The following PPP6C variants were observed in gnomAD, a reference collection of about 807,000 sequenced individuals.
PPP6C encodes protein phosphatase 6 catalytic subunit, also known as serine/threonine-protein phosphatase 6 catalytic subunit.
Under a neutral mutation model 39.8 loss-of-function variants are expected in PPP6C, and 11 were observed. The observed-to-expected ratio is 0.28, with a 90% CI of 0.17 to 0.46. The LOEUF (loss-of-function observed/expected upper bound fraction) is 0.46. PPP6C is among the 20% of genes least tolerant of loss of function. The pLI, the probability that PPP6C is intolerant of heterozygous loss-of-function variation, is 1.00. For missense variants in PPP6C, 211 were observed against 373.9 expected, an observed-to-expected ratio of 0.56 and a Z score of 3.59; for synonymous variants, 129 against 130.3, an observed-to-expected ratio of 0.99 and a Z score of 0.07.
intron 6 of PPP6C, among the ~76,000 whole-genome samples, chr9:125,152,183 C>T (rs1436031953): frequency 6.6e-6 from 1 of 152,088 alleles, no homozygotes; most frequent in African/African-American, 2.4e-5. Context: ...AAGCCTGATC[C>T]ATCATCATCT....
intron 2 of PPP6C, among the ~76,000 whole-genome samples, chr9:125,166,507 A>G (rs1247902728): frequency 6.6e-6 from 1 of 151,764 alleles, no homozygotes; most frequent in East Asian, 1.9e-4. Context: ...CTCATGACTC[A>G]AAGAATTTCA....
intron 1 of PPP6C, among the ~76,000 whole-genome samples, chr9:125,187,905 A>G (rs397583): frequency 0.47 from 71,524 of 151,790 alleles, 17,460 homozygotes; most frequent in East Asian, 0.62. Context: ...AAAAACGGGA[A>G]AATGCACAAG....
rs771470560 is a variant in PPP6C at position 125,149,857 on chromosome 9, T to C, written c.734A>G (p.Lys245Arg). The change falls in exon 7 of 7, where the codon AAA (lysine) becomes AGA (arginine). Residue 245 changes from lysine (K) to arginine (R), a missense_variant. Coordinates refer to ENST00000373547, the MANE Select transcript of PPP6C (RefSeq NM_002721.5). The stretch of plus-strand genomic sequence containing the variant: ...CACCAGCTTCTCATCAAACATAAAT[T>C]TATAGCCTTCGTGCACTAGTTGATG... ...RAHQLVHEGYKFMFDEKLVTV... is the reference protein window; with the variant it reads ...RAHQLVHEGYRFMFDEKLVTV... 31 of 1,614,064 alleles carry C rather than the reference T, an allele frequency of 1.9e-5. No individual in the cohort carries two copies.
At chr9:125,155,321 A>C (rs1293752659) in intron 4 of PPP6C, among the ~76,000 whole-genome samples, 1 of 152,168 alleles carries the variant, frequency 6.6e-6, no homozygotes, top group Non-Finnish European at 1.5e-5. Context: ...TATTGCCTTA[A>C]GTGAAGCTGA....
In PPP6C at chr9:125,149,898, T is replaced by C; in HGVS notation, c.693A>G (p.Lys231=). ...CTAGTTGATGTGCTCTGCAGATGAG[T>C]TTTAAGTTGTTGATATGAACAAACT... is the stretch of plus-strand genomic sequence containing the variant. The part of the protein sequence containing the change: ...TNEFVHINNL[K]LICRAHQLVH... Residue 231 remains lysine, a synonymous_variant, in exon 7 of 7, where the codon AAA becomes AAG. Transcript: ENST00000373547. 6.2e-7 allele frequency: 1 copy of C among 1,613,916 alleles called. No homozygotes were observed. The highest frequency in any genetic ancestry group is 8.5e-7 in the Non-Finnish European group (1 of 1,179,978).
chr9:125,169,266 G>GA (rs1291306508), intron 2 of PPP6C, among the ~76,000 whole-genome samples: 3 of 152,112 alleles, frequency 2.0e-5, no homozygotes, highest in Admixed American at 6.6e-5. Context: ...AGGACTTTGG[G>GA]AAAAAACTGA....
In PPP6C at chr9:125,189,659, T is replaced by C. The variant is rs1024842345; in HGVS notation, c.60A>G (p.Pro20=). 2 of 1,612,952 alleles carry C rather than the reference T, an allele frequency of 1.2e-6. No individual in the cohort carries two copies. Among genetic ancestry groups the C allele is most frequent in the African/African-American group, 2.7e-5 (2 of 74,764 alleles). Residue 20 remains proline (P), a synonymous_variant, in exon 1 of 7, where the codon CCA becomes CCG. Transcript: ENST00000373547. ...TAGGGCTCACCTTCAGGTCGTTCTC[T>C]GGCAGGTACTTGCACAGCCGCGCTA... ...VEIARLCKYL[P]ENDLKRLCDY...
chr9:125,166,214 T>C (rs1264106944), intron 2 of PPP6C, among the ~76,000 whole-genome samples: 1 of 152,212 alleles, frequency 6.6e-6, no homozygotes, highest in Non-Finnish European at 1.5e-5. Flanking sequence ...AAAAACCATA[T>C]TTGTTAATAT....
At chr9:125,189,551 G>A (rs1045960757) in intron 1 of PPP6C, 93 bp downstream of exon 1, 2 of 1,585,700 alleles carry the variant, frequency 1.3e-6, no homozygotes, top group East Asian at 2.3e-5. Flanking sequence ...CACCGCGACT[G>A]GACTGGATAC....
At chr9:125,187,901 G>A (rs7851170) in intron 1 of PPP6C, among the ~76,000 whole-genome samples, 2,141 of 151,998 alleles carry the variant, frequency 0.014, 80 homozygotes, top group African/African-American at 0.049. Flanking sequence ...TATTAAAAAC[G>A]GGAAAATGCA....
At chr9:125,189,042 G>A (rs573177995) in intron 1 of PPP6C, 3 of 934,818 alleles carry the variant, frequency 3.2e-6, no homozygotes, top group Admixed American at 4.4e-5. Context: ...ACTCAGAAAC[G>A]GGATTCACCT....
chr9:125,170,104 T>C, intron 2 of PPP6C, among the ~76,000 whole-genome samples: 1 of 152,212 alleles, frequency 6.6e-6, no homozygotes, highest in East Asian at 1.9e-4. Context: ...AACTACACTG[T>C]ATGCATATAG....
intron 1 of PPP6C, among the ~76,000 whole-genome samples, chr9:125,185,389 T>G (rs1015757993): frequency 6.6e-6 from 1 of 151,898 alleles, no homozygotes; most frequent in Non-Finnish European, 1.5e-5. Context: ...ATGTCATTCT[T>G]ATTCCTTCAA....
chr9:125,166,117 C>T (rs566785324), intron 2 of PPP6C, among the ~76,000 whole-genome samples: 1 of 152,078 alleles, frequency 6.6e-6, no homozygotes, highest in African/African-American at 2.4e-5. Flanking sequence ...ATCTTTCATA[C>T]CCTGTTACAT....
At chr9:125,172,071 A>ATAC in intron 1 of PPP6C, 1 of 401,098 alleles carries the variant, frequency 2.5e-6, no homozygotes, top group South Asian at 1.8e-5. Flanking sequence ...ACACCATGTA[A>ATAC]TACTACTCAG....
chr9:125,173,628 T>A (rs1829228430), intron 1 of PPP6C, among the ~76,000 whole-genome samples: 1 of 151,928 alleles, frequency 6.6e-6, no homozygotes, highest in South Asian at 2.1e-4. Context: ...TTTTTAATTT[T>A]ATTTTTTTGA....
chr9:125,150,579 C>T (rs886931132), intron 6 of PPP6C: 4 of 694,972 alleles, frequency 5.8e-6, no homozygotes, highest in Non-Finnish European at 9.8e-6. Context: ...GTCTCTGGGC[C>T]GACTTTGGTT....
At chr9:125,164,554 C>G (rs1432622787) in intron 2 of PPP6C, among the ~76,000 whole-genome samples, 1 of 151,886 alleles carries the variant, frequency 6.6e-6, no homozygotes, top group African/African-American at 2.4e-5. Flanking sequence ...TTCAGATACT[C>G]TGCTCCCATT....
intron 4 of PPP6C, among the ~76,000 whole-genome samples, chr9:125,157,536 TATAAACACAC>T (rs1836110010): frequency 1.3e-5 from 2 of 152,116 alleles, no homozygotes; most frequent in Admixed American, 6.6e-5. Context: ...TTTGTACATA[TATAAACACAC>T]ATAAACACAC....
Sources: allele counts gnomAD v4.1 joint callset (sites outside exome capture counted in the v4.1 genomes callset), GRCh38; gene constraint gnomAD v4.1.1; transcripts MANE v1.5; gene names NCBI Gene and HGNC (gene_info 2026-07-23, HGNC 2026-07-21).